PHF14: variants seen among roughly 807,000 people sequenced by gnomAD.
PHF14 encodes the protein PHD finger protein 14.
PHF14 carries 55 observed loss-of-function variants against 117.9 expected under a neutral mutation model. That is an observed-to-expected ratio of 0.47 (90% CI 0.38 to 0.58). The LOEUF (loss-of-function observed/expected upper bound fraction) is 0.58. Ranked by LOEUF, PHF14 falls within the 20% of genes least tolerant of loss-of-function variation. The pLI is 0.00. For synonymous variants in PHF14, 409 were observed against 368.6 expected (o/e 1.11, Z -1.26); for missense variants, 978 against 1,122.2 (o/e 0.87, Z 1.84).
intron 16 of PHF14, among the ~76,000 whole-genome samples, chr7:11,066,896 A>G (rs1421279328): frequency 1.3e-5 from 2 of 152,136 alleles, no homozygotes; most frequent in African/African-American, 2.4e-5. Flanking sequence ...GTCCATTTTC[A>G]TTTTAAAAAG....
At chr7:11,086,827 G>A (rs1786426511) in intron 16 of PHF14, among the ~76,000 whole-genome samples, 1 of 151,832 alleles carries the variant, frequency 6.6e-6, no homozygotes, top group Non-Finnish European at 1.5e-5. Context: ...TGTTTTCATG[G>A]CTTTTATTGT....
chr7:10,998,161 A>G (rs1301225270), intron 4 of PHF14, among the ~76,000 whole-genome samples: 2 of 152,224 alleles, frequency 1.3e-5, no homozygotes, highest in Non-Finnish European at 2.9e-5. Flanking sequence ...AGTACCAAGT[A>G]GAGAGATTGA....
chr7:10,995,749 G>A (rs1216453018), intron 4 of PHF14, among the ~76,000 whole-genome samples: 1 of 152,196 alleles, frequency 6.6e-6, no homozygotes, highest in African/African-American at 2.4e-5. Flanking sequence ...CGGCGGGCCA[G>A]CACTGCTGGG....
intron 4 of PHF14, among the ~76,000 whole-genome samples, chr7:10,992,093 G>C (rs930027959): frequency 6.6e-6 from 1 of 151,556 alleles, no homozygotes; most frequent in Admixed American, 6.6e-5. Context: ...TCTTGCTCTT[G>C]TCCAGGCTGG....
chr7:11,080,632 C>T (rs948107704), intron 16 of PHF14, among the ~76,000 whole-genome samples: 2 of 152,108 alleles, frequency 1.3e-5, no homozygotes, highest in Non-Finnish European at 2.9e-5. Context: ...GTCAGCAATT[C>T]TTTGTCTTCA....
chr7:11,004,580 T>G lies in PHF14; in HGVS notation c.1046-9167T>G, dbSNP rs185036819. Among the ~76,000 whole-genome samples the G allele has an allele frequency of 1.5e-3, 229 of 152,212 alleles. 2 individuals carry two copies. Among genetic ancestry groups the G allele is most frequent in the African/African-American group, 5.3e-3 (221 of 41,554 alleles). ...TTCTGCCATTTTGTGGTGTTCATGA[T>G]GTTGACATATTGAAGAATCTTAGTT... On this transcript the variant is annotated intron_variant, in intron 4 of 17. Transcript: ENST00000634607.
At chr7:11,062,700 T>TG in intron 16 of PHF14, 1 of 985,218 alleles carries the variant, frequency 1.0e-6, no homozygotes, top group Non-Finnish European at 1.2e-6. Flanking sequence ...TCTTAGCTGA[T>TG]GCTGCACATT....
intron 17 of PHF14, among the ~76,000 whole-genome samples, chr7:11,123,509 C>T (rs1335294956): frequency 6.6e-6 from 1 of 152,116 alleles, no homozygotes; most frequent in Non-Finnish European, 1.5e-5. Context: ...TGGCTGGGCG[C>T]AGTGGCTCAC....
At chr7:11,077,417 G>C (rs117932204) in intron 16 of PHF14, among the ~76,000 whole-genome samples, 2 of 151,542 alleles carry the variant, frequency 1.3e-5, no homozygotes, top group East Asian at 3.9e-4. Context: ...CCTGGCCAAC[G>C]TGGTAAAACC....
intron 4 of PHF14, among the ~76,000 whole-genome samples, chr7:11,002,797 G>A (rs1782924869): frequency 6.6e-6 from 1 of 152,078 alleles, no homozygotes; most frequent in African/African-American, 2.4e-5. Flanking sequence ...ACACAGGAAA[G>A]AAGAGGCAAA....
chr7:10,988,179 A>G (rs568812869), intron 3 of PHF14, among the ~76,000 whole-genome samples: 2 of 152,184 alleles, frequency 1.3e-5, no homozygotes, highest in East Asian at 3.9e-4. Context: ...TTTGCGTTAC[A>G]TTTCTATTAA....
intron 13 of PHF14, among the ~76,000 whole-genome samples, chr7:11,045,631 T>C (rs1351809819): frequency 6.6e-6 from 1 of 152,222 alleles, no homozygotes; most frequent in Non-Finnish European, 1.5e-5. Flanking sequence ...ATTTGGATGC[T>C]TTCTTCAGTC....
At chr7:11,163,648 C>T (rs1789116057) in intron 17 of PHF14, among the ~76,000 whole-genome samples, 1 of 152,278 alleles carries the variant, frequency 6.6e-6, no homozygotes, top group East Asian at 1.9e-4. Flanking sequence ...GTTAAAAACT[C>T]TAATTAATTT....
chr7:11,069,647 C>G (rs1394913049), intron 16 of PHF14, among the ~76,000 whole-genome samples: 1 of 125,464 alleles, frequency 8.0e-6, no homozygotes, highest in Non-Finnish European at 1.6e-5. Flanking sequence ...CTCCCCTCCT[C>G]TCCTCTCCCC....
At chr7:11,159,584 C>G (rs1207459655) in intron 17 of PHF14, among the ~76,000 whole-genome samples, 1 of 151,790 alleles carries the variant, frequency 6.6e-6, no homozygotes, top group South Asian at 2.1e-4. Flanking sequence ...GAAAAGTGGG[C>G]AAAAATTAGG....
chr7:11,020,116 C>A (rs60680874), intron 5 of PHF14, among the ~76,000 whole-genome samples: 1 of 151,730 alleles, frequency 6.6e-6, no homozygotes, highest in African/African-American at 2.4e-5. Flanking sequence ...TCAGACGGGG[C>A]CTGGCTCTGT....
chr7:11,118,574 A>G (rs1355010911), intron 17 of PHF14, among the ~76,000 whole-genome samples: 1 of 151,852 alleles, frequency 6.6e-6, no homozygotes, highest in East Asian at 1.9e-4. Context: ...TATGTCCTGA[A>G]TTGAACTTAT....
At chr7:11,138,245 G>A (rs779673762) in intron 17 of PHF14, among the ~76,000 whole-genome samples, 1 of 151,736 alleles carries the variant, frequency 6.6e-6, no homozygotes, top group Non-Finnish European at 1.5e-5. Flanking sequence ...GTTTCACCGC[G>A]TTAGCCAGGA....
chr7:11,110,229 T>G (rs1718103947), intron 16 of PHF14: 3 of 151,914 alleles, frequency 2.0e-5, no homozygotes, highest in African/African-American at 7.2e-5. Flanking sequence ...AGTTTTTAAC[T>G]TTAATCAAGT....
Sources: allele counts gnomAD v4.1 joint callset (sites outside exome capture counted in the v4.1 genomes callset), GRCh38; gene constraint gnomAD v4.1.1; transcripts MANE v1.5; gene names NCBI Gene and HGNC (gene_info 2026-07-23, HGNC 2026-07-21).